WWOX: variants seen among roughly 807,000 people sequenced by gnomAD.
WWOX encodes WW domain containing oxidoreductase, also known as WW domain-containing oxidoreductase.
A neutral mutation model predicts 46.2 loss-of-function variants in WWOX; 69 were observed. The observed-to-expected ratio is 1.49, with a 90% CI of 1.23 to 1.82. WWOX has a LOEUF of 1.82. Among genes scored for constraint, WWOX ranks in the 40% most tolerant of loss-of-function variants. The probability of loss-of-function intolerance (pLI) is 0.00; values close to 1 mark genes in which losing one functional copy is unlikely to be tolerated. For synonymous variants in WWOX, 359 were observed against 202.6 expected (o/e 1.77, Z -6.56); for missense variants, 919 against 542.6 (o/e 1.69, Z -6.89).
chr16:78,277,107 G>C (rs1368651709), intron 5 of WWOX, among the ~76,000 whole-genome samples: 1 of 152,096 alleles, frequency 6.6e-6, no homozygotes, highest in Non-Finnish European at 1.5e-5. Flanking sequence ...TCTTAACAGA[G>C]GGCAAAGAGT....
intron 8 of WWOX, among the ~76,000 whole-genome samples, chr16:78,911,823 G>A (rs904574493): frequency 3.9e-5 from 6 of 152,160 alleles, no homozygotes; most frequent in South Asian, 2.1e-4. Context: ...CTGAGATCAC[G>A]CTGATGCATT....
chr16:78,965,718 C>T (rs149153077), intron 8 of WWOX, among the ~76,000 whole-genome samples: 162 of 152,280 alleles, frequency 1.1e-3, no homozygotes, highest in Non-Finnish European at 1.9e-3. Context: ...TTGCCCTTCC[C>T]GCATTGTGAC....
chr16:79,098,040 A>G lies in WWOX; in HGVS notation c.1057-113568A>G, dbSNP rs77640122. On this transcript the variant is annotated intron_variant, in intron 8 of 8. Transcript: ENST00000566780. ...ATGTCTGGAACATTGCCTGTCCAAT[A>G]TCTAGAGAGGCGCCTGCAGAATTTG... Among the ~76,000 whole-genome samples the G allele has an allele frequency of 5.9e-3, 905 of 152,300 alleles. 12 individuals carry two copies. The highest frequency in any genetic ancestry group is 0.02 in the African/African-American group (822 of 41,570).
chr16:78,937,163 C>G (rs1377928530), intron 8 of WWOX, among the ~76,000 whole-genome samples: 1 of 152,088 alleles, frequency 6.6e-6, no homozygotes, highest in African/African-American at 2.4e-5. Flanking sequence ...AAATTTCCAT[C>G]AAGAGGAACA....
At chr16:78,448,153 A>G (rs567509964) in intron 8 of WWOX, among the ~76,000 whole-genome samples, 2 of 152,230 alleles carry the variant, frequency 1.3e-5, no homozygotes, top group Admixed American at 1.3e-4. Flanking sequence ...TGCTCTCATT[A>G]CTTGCCCCCA....
intron 8 of WWOX, among the ~76,000 whole-genome samples, chr16:78,564,640 G>A (rs985882360): frequency 6.6e-6 from 1 of 152,054 alleles, no homozygotes; most frequent in Non-Finnish European, 1.5e-5. Flanking sequence ...TCATATCTGA[G>A]AATATTCCCT....
intron 8 of WWOX, among the ~76,000 whole-genome samples, chr16:79,097,535 T>G (rs190451637): frequency 6.6e-6 from 1 of 152,312 alleles, no homozygotes; most frequent in African/African-American, 2.4e-5. Flanking sequence ...ACATGCTTTC[T>G]AATGTCTTTT....
chr16:79,210,528 T>C (rs2051692925), intron 8 of WWOX, among the ~76,000 whole-genome samples: 1 of 152,154 alleles, frequency 6.6e-6, no homozygotes, highest in South Asian at 2.1e-4. Flanking sequence ...GGGGGCGAGC[T>C]TATCTTCAGT....
chr16:78,526,301 C>T (rs927835916), intron 8 of WWOX: 3 of 152,362 alleles, frequency 2.0e-5, no homozygotes, highest in East Asian at 3.9e-4. Context: ...CGCTGCTGGT[C>T]CTGGATCCTT....
chr16:78,241,995 T>C (rs1349945495), intron 5 of WWOX, among the ~76,000 whole-genome samples: 1 of 152,184 alleles, frequency 6.6e-6, no homozygotes, highest in African/African-American at 2.4e-5. Flanking sequence ...ACACTAGATT[T>C]GAGGCTGAGA....
chr16:78,786,029 C>T (rs1456976491), intron 8 of WWOX, among the ~76,000 whole-genome samples: 3 of 152,150 alleles, frequency 2.0e-5, no homozygotes, highest in African/African-American at 7.2e-5. Flanking sequence ...GGCTTAGCCT[C>T]CTGAGTAGCT....
intron 8 of WWOX, among the ~76,000 whole-genome samples, chr16:78,509,078 T>G (rs376565373): frequency 1.9e-4 from 29 of 152,372 alleles, no homozygotes; most frequent in African/African-American, 6.0e-4. Context: ...GGGCACTGTT[T>G]CCAGTGTGCA....
intron 8 of WWOX, among the ~76,000 whole-genome samples, chr16:79,023,555 C>T (rs2047577432): frequency 6.6e-6 from 1 of 152,122 alleles, no homozygotes; most frequent in African/African-American, 2.4e-5. Context: ...GGACAGTGAC[C>T]ATCCACCACA....
At chr16:78,328,213 C>CAG (rs141448246) in intron 5 of WWOX, among the ~76,000 whole-genome samples, 4,595 of 152,154 alleles carry the variant, frequency 0.03, 121 homozygotes, top group African/African-American at 0.071. Context: ...ACCTGTAACT[C>CAG]AAATTCCCGA....
intron 8 of WWOX, among the ~76,000 whole-genome samples, chr16:78,953,069 C>G (rs1415102631): frequency 6.6e-6 from 1 of 151,358 alleles, no homozygotes. Flanking sequence ...TGGTGGTGGA[C>G]AATCTGACCA....
At chr16:78,461,235 T>G (rs1000610502) in intron 8 of WWOX, among the ~76,000 whole-genome samples, 19 of 152,314 alleles carry the variant, frequency 1.2e-4, no homozygotes, top group African/African-American at 4.6e-4. Context: ...ACCTGTCCAA[T>G]TCTAGCTTCT....
intron 8 of WWOX, among the ~76,000 whole-genome samples, chr16:79,082,118 C>A (rs533942037): frequency 6.6e-6 from 1 of 152,194 alleles, no homozygotes; most frequent in Non-Finnish European, 1.5e-5. Flanking sequence ...AGCCTAGAAC[C>A]TCTTCACTCA....
chr16:78,971,662 G>C (rs2046472902), intron 8 of WWOX, among the ~76,000 whole-genome samples: 1 of 151,938 alleles, frequency 6.6e-6, no homozygotes, highest in South Asian at 2.1e-4. Flanking sequence ...TATTCCTTAG[G>C]GTTCCTTTTT....
At chr16:78,644,292 A>G (rs910332820) in intron 8 of WWOX, among the ~76,000 whole-genome samples, 1 of 152,144 alleles carries the variant, frequency 6.6e-6, no homozygotes, top group African/African-American at 2.4e-5. Context: ...TAAGCATCTG[A>G]TCAGACAGGT....
Sources: allele counts gnomAD v4.1 joint callset (sites outside exome capture counted in the v4.1 genomes callset), GRCh38; gene constraint gnomAD v4.1.1; transcripts MANE v1.5; gene names NCBI Gene and HGNC (gene_info 2026-07-23, HGNC 2026-07-21).